Variants in GRM8 observed in about 807,000 individuals in gnomAD.
GRM8 encodes the protein glutamate metabotropic receptor 8, also known as metabotropic glutamate receptor 8.
A neutral mutation model predicts 87.2 loss-of-function variants in GRM8; 47 were observed. The observed-to-expected ratio is 0.54, with a 90% confidence interval of 0.43 to 0.69. The LOEUF (loss-of-function observed/expected upper bound fraction) is 0.69, where lower values mean the gene tolerates loss of function less well. Among genes scored for constraint, GRM8 ranks in the 30% least tolerant of loss-of-function variants. The probability of loss-of-function intolerance (pLI) is 0.00; values close to 1 mark genes in which losing one functional copy is unlikely to be tolerated. For synonymous variants in GRM8, 396 were observed against 404.5 expected (o/e 0.98, Z 0.25); for missense variants, 1,019 against 1,139.2 (o/e 0.89, Z 1.52).
chr7:126,581,074 AG>A, intron 8 of GRM8, among the ~76,000 whole-genome samples: 1 of 152,232 alleles, frequency 6.6e-6, no homozygotes, highest in East Asian at 1.9e-4. Flanking sequence ...GTTCTGAGGA[AG>A]GCTTTGAGAA....
intron 3 of GRM8, among the ~76,000 whole-genome samples, chr7:127,085,067 G>T (rs550474510): frequency 6.6e-6 from 1 of 152,162 alleles, no homozygotes; most frequent in Non-Finnish European, 1.5e-5. Flanking sequence ...TGCAGTGTTT[G>T]GTTTTCTGTC....
At chr7:126,828,117 T>C (rs1048948457) in intron 6 of GRM8, among the ~76,000 whole-genome samples, 1 of 152,062 alleles carries the variant, frequency 6.6e-6, no homozygotes, top group African/African-American at 2.4e-5. Context: ...GTTTTGCCAG[T>C]ATTTTATTGA....
chr7:126,564,695 A>T (rs1022138356), intron 8 of GRM8, among the ~76,000 whole-genome samples: 7 of 152,188 alleles, frequency 4.6e-5, no homozygotes, highest in Non-Finnish European at 1.0e-4. Context: ...ATTCCAAAAA[A>T]ACTGAAGAGG....
chr7:126,927,898 C>T lies in GRM8; in HGVS notation c.728-23215G>A, dbSNP rs550168103. The stretch of plus-strand genomic sequence containing the variant: ...ACCCAAAGGATTATAAATCATTCTA[C>T]TATAAAGACACATGTACATGTATGT... On this transcript the variant is annotated intron_variant, in intron 3 of 10. Transcript: ENST00000339582. 6.6e-4 allele frequency among the ~76,000 whole-genome samples: 100 copies of T among 152,250 alleles called. 1 individual carries two copies. Among genetic ancestry groups the T allele is most frequent in the African/African-American group, 2.4e-3 (98 of 41,554 alleles).
At chr7:126,888,963 G>A (rs1442964124) in intron 6 of GRM8, among the ~76,000 whole-genome samples, 2 of 152,128 alleles carry the variant, frequency 1.3e-5, no homozygotes, top group Non-Finnish European at 2.9e-5. Context: ...TTAATGGAAA[G>A]TGATACATGG....
chr7:126,637,244 G>A (rs1801949745), intron 7 of GRM8, among the ~76,000 whole-genome samples: 2 of 151,938 alleles, frequency 1.3e-5, no homozygotes, highest in Non-Finnish European at 2.9e-5. Context: ...TACAATTTGG[G>A]TGCGAGGGAA....
intron 7 of GRM8, among the ~76,000 whole-genome samples, chr7:126,768,741 G>T (rs1014404568): frequency 6.6e-6 from 1 of 151,958 alleles, no homozygotes; most frequent in African/African-American, 2.4e-5. Context: ...AAACAACCTT[G>T]TATTGCAACA....
intron 3 of GRM8, among the ~76,000 whole-genome samples, chr7:126,967,017 G>T (rs1021793044): frequency 6.6e-6 from 1 of 152,118 alleles, no homozygotes; most frequent in Non-Finnish European, 1.5e-5. Context: ...CCCCAGGACA[G>T]AAAAAGATAA....
At chr7:126,661,417 G>A (rs1355924171) in intron 7 of GRM8, among the ~76,000 whole-genome samples, 1 of 151,890 alleles carries the variant, frequency 6.6e-6, no homozygotes, top group African/African-American at 2.4e-5. Flanking sequence ...AAAAAACTCA[G>A]GTTTCTAAGT....
At chr7:126,723,690 T>C (rs1217589488) in intron 7 of GRM8, among the ~76,000 whole-genome samples, 1 of 152,164 alleles carries the variant, frequency 6.6e-6, no homozygotes, top group Non-Finnish European at 1.5e-5. Flanking sequence ...AGTGTAGTTA[T>C]ACTGAAAACA....
At chr7:127,231,248 G>GA (rs34629865) in intron 2 of GRM8, among the ~76,000 whole-genome samples, 13 of 147,800 alleles carry the variant, frequency 8.8e-5, no homozygotes, top group Admixed American at 2.0e-4. Flanking sequence ...CTTGATGGGG[G>GA]AAAAAAAAAA....
At chr7:127,155,168 T>C (rs976638634) in intron 2 of GRM8, among the ~76,000 whole-genome samples, 15 of 152,064 alleles carry the variant, frequency 9.9e-5, no homozygotes, top group African/African-American at 3.6e-4. Flanking sequence ...GGGTGGAAAT[T>C]AGAGCTATTT....
In GRM8 at chr7:126,647,387, T is replaced by TTA. The variant is rs1803275807; in HGVS notation, c.1358-37891_1358-37890dup. On this transcript the variant is annotated intron_variant, in intron 7 of 10. Transcript: ENST00000339582. ...TAAATAGATATATAAATATATCTATTTATATATCTATATATCTTACGAGTT... is the reference window on the plus strand; with the variant it reads ...TAAATAGATATATAAATATATCTATTTATATATATCTATATATCTTACGAGTT... Among the ~76,000 whole-genome samples, 14 of 151,204 alleles carry TTA rather than the reference T, an allele frequency of 9.3e-5. No individual in the cohort carries two copies. The South Asian group carries it at 1.9e-3, about 20-fold the overall frequency.
At chr7:126,785,600 GGGTCTTTTAAGACCCA>G (rs1820540105) in intron 6 of GRM8, among the ~76,000 whole-genome samples, 1 of 151,904 alleles carries the variant, frequency 6.6e-6, no homozygotes, top group Admixed American at 6.6e-5. Context: ...TAAAAGACCC[GGGTCTTTTAAGACCCA>G]GGTCTTTCGC....
intron 6 of GRM8, among the ~76,000 whole-genome samples, chr7:126,791,519 T>C (rs1487093012): frequency 1.3e-5 from 2 of 152,182 alleles, no homozygotes; most frequent in African/African-American, 2.4e-5. Context: ...TCTGCACACA[T>C]TCAACCACAG....
At chr7:126,634,198 TGATTA>T (rs1342633231) in intron 7 of GRM8, among the ~76,000 whole-genome samples, 2 of 152,162 alleles carry the variant, frequency 1.3e-5, no homozygotes, top group African/African-American at 4.8e-5. Flanking sequence ...GAATTAAGAT[TGATTA>T]GAAGTGTTTT....
intron 3 of GRM8, among the ~76,000 whole-genome samples, chr7:127,007,646 T>G (rs1197476423): frequency 6.6e-6 from 1 of 152,112 alleles, no homozygotes; most frequent in Non-Finnish European, 1.5e-5. Flanking sequence ...CAAGACAATT[T>G]TCATGTAATC....
chr7:126,632,982 CT>C (rs1449772641), intron 7 of GRM8, among the ~76,000 whole-genome samples: 17 of 152,062 alleles, frequency 1.1e-4, no homozygotes, highest in African/African-American at 3.9e-4. Context: ...GTAAACTAAT[CT>C]AATTTTTCCT....
intron 6 of GRM8, among the ~76,000 whole-genome samples, chr7:126,896,465 T>C (rs1270095408): frequency 6.6e-6 from 1 of 152,090 alleles, no homozygotes; most frequent in African/African-American, 2.4e-5. Flanking sequence ...AATCAAATTA[T>C]GTAAATTCAT....
Sources: gnomAD v4.1 joint callset for allele counts (sites outside exome capture counted in the v4.1 genomes callset) on GRCh38, gnomAD v4.1.1 for gene constraint, MANE v1.5 for transcripts, NCBI Gene and HGNC (gene_info 2026-07-23, HGNC 2026-07-21) for gene names.